MKLN1: variants seen among roughly 807,000 people sequenced by gnomAD.
MKLN1 encodes muskelin 1.
A neutral mutation model predicts 99.0 loss-of-function variants in MKLN1; 18 were observed. That is an observed-to-expected ratio of 0.18 (90% CI 0.13 to 0.27). The LOEUF (loss-of-function observed/expected upper bound fraction) is 0.27. Among genes scored for constraint, MKLN1 ranks in the 10% least tolerant of loss-of-function variants. The pLI is 1.00. For synonymous variants in MKLN1, 288 were observed against 293.2 expected (o/e 0.98, Z 0.18); for missense variants, 621 against 875.9 (o/e 0.71, Z 3.67).
chr7:131,134,322 G>A (rs930876706), intron 1 of MKLN1, among the ~76,000 whole-genome samples: 1 of 151,732 alleles, frequency 6.6e-6, no homozygotes, highest in Non-Finnish European at 1.5e-5. Context: ...CTATTGCCAG[G>A]GTCCTTCTCC....
intron 2 of MKLN1, among the ~76,000 whole-genome samples, chr7:131,194,340 T>TTA (rs1796611969): frequency 1.3e-5 from 2 of 152,182 alleles, no homozygotes; most frequent in Admixed American, 1.3e-4. Context: ...GTTTGTGTAT[T>TTA]TACCTGTTCA....
At chr7:131,134,617 C>G (rs1481079196) in intron 1 of MKLN1, among the ~76,000 whole-genome samples, 2 of 152,136 alleles carry the variant, frequency 1.3e-5, no homozygotes, top group African/African-American at 4.8e-5. Context: ...ACTTCAACCT[C>G]GGCCCGTCTC....
chr7:131,496,362 C>T lies in MKLN1; in HGVS notation c.*8634C>T, dbSNP rs978975292. 1.3e-5 allele frequency: 2 copies of T among 152,064 alleles called. No homozygotes were observed. The highest frequency in any genetic ancestry group is 2.4e-5 in the African/African-American group (1 of 41,328). 9.4% of individuals were successfully genotyped at this position (152,064 alleles called of 1,614,324 possible). On this transcript the variant is annotated 3_prime_UTR_variant, in exon 18 of 18. Coordinates refer to ENST00000352689, the MANE Select transcript of MKLN1 (RefSeq NM_013255.5). ...AATTGTTTCAAATCATTGTTGGGCT[C>T]TGTCGTGTTCTGCAATCTTCCCCAT...
At chr7:131,126,919 A>T (rs1198116255) in intron 1 of MKLN1, among the ~76,000 whole-genome samples, 1 of 152,152 alleles carries the variant, frequency 6.6e-6, no homozygotes, top group African/African-American at 2.4e-5. Flanking sequence ...TAATCTCAGC[A>T]CTTTGGGAGG....
In MKLN1 at chr7:131,374,256, G is replaced by T. The variant is rs531897864; in HGVS notation, c.99-1168G>T. 3.3e-5 allele frequency among the ~76,000 whole-genome samples: 5 copies of T among 152,176 alleles called. No homozygotes were observed. In the South Asian group the frequency reaches 1.0e-3, roughly 32 times the overall value. On this transcript the variant is annotated intron_variant, in intron 1 of 17. Coordinates refer to ENST00000352689, the MANE Select transcript of MKLN1 (RefSeq NM_013255.5). The stretch of plus-strand genomic sequence containing the variant: ...TTCTTTTATTGGAGAGTGGTATGTG[G>T]AAACATACCATTGTGGAAATACCAG...
chr7:131,416,549 C>T (rs1291569875), intron 8 of MKLN1, among the ~76,000 whole-genome samples: 2 of 147,338 alleles, frequency 1.4e-5, no homozygotes, highest in African/African-American at 5.0e-5. Flanking sequence ...GAGATGGAGT[C>T]TTGCTCTGTC....
chr7:131,481,557 C>T (rs1797122447), intron 17 of MKLN1, among the ~76,000 whole-genome samples: 1 of 151,958 alleles, frequency 6.6e-6, no homozygotes, highest in South Asian at 2.1e-4. Flanking sequence ...AAAAAGTCAC[C>T]TTTGTAACAC....
At chr7:131,362,841 GA>G (rs565374293) in intron 1 of MKLN1, among the ~76,000 whole-genome samples, 8 of 149,318 alleles carry the variant, frequency 5.4e-5, no homozygotes, top group African/African-American at 1.2e-4. Flanking sequence ...CCTTGTTTCT[GA>G]AAAAAAAACT....
chr7:131,196,527 A>AT (rs34216169), intron 2 of MKLN1, among the ~76,000 whole-genome samples: 9 of 150,950 alleles, frequency 6.0e-5, no homozygotes, highest in African/African-American at 1.5e-4. Context: ...CGACACATTC[A>AT]TTTTTTTTTT....
At chr7:131,133,547 T>A (rs1210402901) in intron 1 of MKLN1, among the ~76,000 whole-genome samples, 1 of 151,196 alleles carries the variant, frequency 6.6e-6, no homozygotes, top group African/African-American at 2.4e-5. Flanking sequence ...AGAGATGGGG[T>A]TTCACCATGT....
At chr7:131,136,061 A>C (rs1007756825) in intron 1 of MKLN1, among the ~76,000 whole-genome samples, 3 of 152,088 alleles carry the variant, frequency 2.0e-5, no homozygotes, top group African/African-American at 7.2e-5. Context: ...TTGTGCTTGC[A>C]ATTTTATCTC....
chr7:131,138,752 G>A (rs1460203040), intron 1 of MKLN1, among the ~76,000 whole-genome samples: 1 of 151,910 alleles, frequency 6.6e-6, no homozygotes, highest in East Asian at 1.9e-4. Flanking sequence ...TTGCCTATCT[G>A]TGCACAGGCA....
At chr7:131,328,842 C>G (rs937652983) in intron 1 of MKLN1, among the ~76,000 whole-genome samples, 1 of 152,114 alleles carries the variant, frequency 6.6e-6, no homozygotes, top group African/African-American at 2.4e-5. Flanking sequence ...GTTTTTTTCT[C>G]TAGCAAATTC....
chr7:131,415,096 G>A (rs1794978524), intron 8 of MKLN1, among the ~76,000 whole-genome samples: 1 of 150,840 alleles, frequency 6.6e-6, no homozygotes, highest in Non-Finnish European at 1.5e-5. Context: ...TAATTTAGTT[G>A]TTGTTTTTTG....
intron 2 of MKLN1, among the ~76,000 whole-genome samples, chr7:131,151,601 TTTA>T (rs1795889479): frequency 6.6e-6 from 1 of 152,228 alleles, no homozygotes; most frequent in African/African-American, 2.4e-5. Context: ...CCCAATTATA[TTTA>T]AAGAGTACTG....
At chr7:131,229,123 G>A (rs1202735979) in intron 3 of MKLN1, among the ~76,000 whole-genome samples, 1 of 151,968 alleles carries the variant, frequency 6.6e-6, no homozygotes, top group Non-Finnish European at 1.5e-5. Context: ...TGTAGGGGGA[G>A]GGTGTGGGGC....
At chr7:131,471,001 CTT>C in intron 16 of MKLN1, 57 bp downstream of exon 16, 9 of 1,241,004 alleles carry the variant, frequency 7.3e-6, no homozygotes, top group Non-Finnish European at 1.0e-5. Flanking sequence ...GTCTTCCTAA[CTT>C]ATATTTAATG....
At chr7:131,158,958 C>G (rs548219718) in intron 2 of MKLN1, among the ~76,000 whole-genome samples, 1 of 152,116 alleles carries the variant, frequency 6.6e-6, no homozygotes, top group African/African-American at 2.4e-5. Flanking sequence ...CATATATGAG[C>G]AAGTTATTAT....
intron 4 of MKLN1, among the ~76,000 whole-genome samples, chr7:131,396,593 G>C (rs1025649521): frequency 3.9e-5 from 6 of 151,912 alleles, no homozygotes; most frequent in African/African-American, 1.5e-4. Flanking sequence ...AAAAATCTAA[G>C]GAAATTTTTT....
Sources: gnomAD v4.1 joint callset for allele counts (sites outside exome capture counted in the v4.1 genomes callset) on GRCh38, gnomAD v4.1.1 for gene constraint, MANE v1.5 for transcripts, NCBI Gene and HGNC (gene_info 2026-07-23, HGNC 2026-07-21) for gene names.